TULP1: variants seen among roughly 807,000 people sequenced by gnomAD.
TULP1 encodes tubby-related protein 1.
In TULP1, 50 loss-of-function variants were observed where a neutral mutation model predicts 67.1. That is an observed-to-expected ratio of 0.75 (90% CI 0.59 to 0.94). The LOEUF (loss-of-function observed/expected upper bound fraction) is 0.94, where lower values mean the gene tolerates loss of function less well. TULP1 is among the 40% of genes least tolerant of loss of function. The pLI is 0.00. For synonymous variants in TULP1, 297 were observed against 294.0 expected (o/e 1.01, Z -0.11); for missense variants, 746 against 734.1 (o/e 1.02, Z -0.19).
At chr6:35,505,912 T>C in intron 10 of TULP1, 59 bp from the exon 11 acceptor site, 2 of 1,613,748 alleles carry the variant, frequency 1.2e-6, no homozygotes, top group Non-Finnish European at 1.7e-6. Flanking sequence ...GGGGTGGAGG[T>C]GAGCTGCAGG....
chr6:35,500,835 G>A (rs1437230688), intron 13 of TULP1, among the ~76,000 whole-genome samples: 1 of 152,164 alleles, frequency 6.6e-6, no homozygotes, highest in African/African-American at 2.4e-5. Context: ...CCCAAACAAG[G>A]GCAGGAGATG....
rs1761006263 is a variant in TULP1, at chr6:35,503,211, T to G, written c.1323+348A>C. ...TCTCGGCCTCCCAAAGTGCTGGGAT[T>G]ACAGGCGTGAGCCACCGCGCCCGGC... On this transcript the variant is annotated intron_variant, in intron 13 of 14. Transcript: ENST00000229771. This position sits in a 1 kb window ranked among gnomAD's most constrained non-coding sequence, Gnocchi z 4.0. Among the ~76,000 whole-genome samples the G allele has an allele frequency of 6.6e-6, 1 of 152,218 alleles. No homozygotes were observed. Among genetic ancestry groups the G allele is most frequent in the South Asian group, 2.1e-4 (1 of 4,836 alleles).
intron 8 of TULP1, among the ~76,000 whole-genome samples, chr6:35,506,923 A>G (rs951099984): frequency 6.6e-6 from 1 of 152,058 alleles, no homozygotes; most frequent in Non-Finnish European, 1.5e-5. Flanking sequence ...GTTAGCTGCT[A>G]CTCTTATTGT....
chr6:35,510,935 G>A lies in TULP1; in HGVS notation c.425C>T (p.Pro142Leu), dbSNP rs769742008. 8.1e-6 allele frequency: 13 copies of A among 1,613,382 alleles called. No homozygotes were observed. The highest frequency in any genetic ancestry group is 2.2e-5 in the East Asian group (1 of 44,850). ...AEEKKEKILL[P>L]PKKPLREKSS... ...CTTCTCTCTCAGGGGCTTCTTGGGA[G>A]GCAGAAGGATTTTCTCTTTCTTTTC... Residue 142 changes from proline to leucine, a missense_variant, in exon 5 of 15, where the codon CCT (proline) becomes CTT (leucine). This residue lies in a region of TULP1 where 359 missense variants were observed against 341.9 expected (regional missense o/e 1.05). Coordinates refer to ENST00000229771, the MANE Select transcript of TULP1 (RefSeq NM_003322.6).
At chr6:35,502,534 C>T (rs1561813503) in intron 13 of TULP1, among the ~76,000 whole-genome samples, 1 of 151,716 alleles carries the variant, frequency 6.6e-6, no homozygotes, top group Non-Finnish European at 1.5e-5. Context: ...CGCTCTGTTG[C>T]CCAGGCTGGA....
chr6:35,510,646 A>G, intron 5 of TULP1: 1 of 956,096 alleles, frequency 1.0e-6, no homozygotes, highest in African/African-American at 1.6e-5. Flanking sequence ...ACAGAGCTCA[A>G]GGGGCAGGGG....
chr6:35,505,897 G>A, intron 10 of TULP1, 44 bp from the exon 11 acceptor site: 1 of 1,614,186 alleles, frequency 6.2e-7, no homozygotes, highest in Non-Finnish European at 8.5e-7. Flanking sequence ...AAGAGAAGGT[G>A]GGAAGGGGTG....
intron 7 of TULP1, 131 bp from the exon 8 acceptor site, chr6:35,509,443 A>C (rs1561817026): frequency 4.5e-6 from 5 of 1,111,306 alleles, no homozygotes; most frequent in East Asian, 4.7e-5. Context: ...ATTAGAGCCC[A>C]AAAAGGCTAA....
In TULP1 at chr6:35,509,033, C is replaced by T. The variant is rs549363532; in HGVS notation, c.822+176G>A. Among the ~76,000 whole-genome samples, 26 of 152,246 alleles carry T rather than the reference C, an allele frequency of 1.7e-4. 1 individual carries two copies. The South Asian group carries it at 5.4e-3, about 32-fold the overall frequency. On this transcript the variant is annotated intron_variant, in intron 8 of 14. Transcript: ENST00000229771. ...AGTCCTAGCCTGGTGACCCCACAAA[C>T]GCCTCCTCTGTTTGCACAAATCTGG...
At position 35,505,787 on chromosome 6, in the gene TULP1, G is replaced by C. The variant is rs201836697; in HGVS notation, c.1066C>G (p.Pro356Ala). ...TCCCCTCCTCGGGACAGATTGGTAG[G>C]GTCGATGGAGATGAGGTAATTGGCT... is the stretch of plus-strand genomic sequence containing the variant. Reference protein sequence around the residue: ...KTANYLISIDPTNLSRGGENF... With the variant: ...KTANYLISIDATNLSRGGENF... Residue 356 changes from proline (P) to alanine (A), a missense_variant, in exon 11 of 15, where the codon CCT becomes GCT. Around this residue, in one of 3 missense-constraint regions of TULP1, gnomAD observed 383 missense variants for 374.1 expected, o/e 1.02. Transcript: ENST00000229771. 4.3e-6 allele frequency: 7 copies of C among 1,614,210 alleles called. No individual in the cohort carries two copies. The South Asian group carries it at 6.6e-5, about 15-fold the overall frequency.
intron 13 of TULP1, among the ~76,000 whole-genome samples, chr6:35,502,141 TC>T (rs976465326): frequency 2.0e-5 from 3 of 152,082 alleles, no homozygotes; most frequent in African/African-American, 7.2e-5. Flanking sequence ...TTATCTACCT[TC>T]CCCTGTTTGA....
At chr6:35,506,760 T>A (rs1375554820) in intron 8 of TULP1, among the ~76,000 whole-genome samples, 1 of 152,140 alleles carries the variant, frequency 6.6e-6, no homozygotes, top group Non-Finnish European at 1.5e-5. Flanking sequence ...CAAGTTCACA[T>A]AACTAGTAAG....
At chr6:35,505,431 A>G in intron 11 of TULP1, 1 of 503,592 alleles carries the variant, frequency 2.0e-6, no homozygotes, top group Non-Finnish European at 3.6e-6. Flanking sequence ...AGCCCTAAAC[A>G]AGGCAGGCAC....
Position 35,506,021 on chromosome 6 carries a change from G to C in TULP1, c.981C>G (p.His327Gln). The C allele has an allele frequency of 6.2e-7, 1 of 1,614,042 alleles. No individual in the cohort carries two copies. Residue 327 changes from histidine (H) to glutamine (Q), a missense_variant, in exon 10 of 15, where the codon CAC becomes CAG. His to Gln is a conservative substitution (Grantham distance 24, BLOSUM62 0). Around this residue, in one of 3 missense-constraint regions of TULP1, gnomAD observed 383 missense variants for 374.1 expected, o/e 1.02. Coordinates refer to ENST00000229771, the MANE Select transcript of TULP1 (RefSeq NM_003322.6). ...DRGMYPSYFLHLDTEKKVFLL... is the reference protein window; with the variant it reads ...DRGMYPSYFLQLDTEKKVFLL... ...CACCCACCTTCTTCTCCGTGTCCAG[G>C]TGCAGGAAGTAGGAGGGATACATGC...
intron 13 of TULP1, among the ~76,000 whole-genome samples, chr6:35,500,680 A>G (rs1053324424): frequency 5.9e-5 from 9 of 152,116 alleles, no homozygotes; most frequent in African/African-American, 2.2e-4. Context: ...ACTCAAGATC[A>G]CCTCCAAGAA....
intron 13 of TULP1, among the ~76,000 whole-genome samples, chr6:35,502,608 C>T (rs963241321): frequency 6.6e-6 from 1 of 151,936 alleles, no homozygotes; most frequent in East Asian, 1.9e-4. Context: ...ATACTCCCTG[C>T]GTCAGCCTCC....
intron 6 of TULP1, 34 bp downstream of exon 6, chr6:35,509,793 T>G (rs1230329103): frequency 6.2e-7 from 1 of 1,613,978 alleles, no homozygotes; most frequent in South Asian, 1.1e-5. Context: ...CCACCGCAAC[T>G]GGAGTCCCCT....
intron 8 of TULP1, among the ~76,000 whole-genome samples, chr6:35,506,764 T>C (rs1419303126): frequency 2.0e-5 from 3 of 152,110 alleles, no homozygotes; most frequent in African/African-American, 7.2e-5. Context: ...TTCACATAAC[T>C]AGTAAGAGGT....
In TULP1 at chr6:35,510,981, C is replaced by A; in HGVS notation, c.379G>T (p.Asp127Tyr). 1.2e-6 allele frequency: 2 copies of A among 1,600,832 alleles called. No individual in the cohort carries two copies. The highest frequency in any genetic ancestry group is 1.7e-6 in the Non-Finnish European group (2 of 1,173,642). Reference sequence around the variant, plus strand: ...TTTTCCTCTGCCTCCTCTTCCTCGTCCTCCTCGTCCTCCTCTTCCTCCTCC... The same window carrying A: ...TTTTCCTCTGCCTCCTCTTCCTCGTACTCCTCGTCCTCCTCTTCCTCCTCC... Reference protein sequence around the residue: ...EEEEEEEDEEDEEEEAEEKKE... With the variant: ...EEEEEEEDEEYEEEEAEEKKE... Residue 127 changes from aspartate (D) to tyrosine (Y), a missense_variant, in exon 5 of 15, where the codon GAC becomes TAC. This residue lies in a region of TULP1 where 359 missense variants were observed against 341.9 expected (regional missense o/e 1.05). Transcript: ENST00000229771.
Sources: gnomAD v4.1 joint callset for allele counts (sites outside exome capture counted in the v4.1 genomes callset) on GRCh38, gnomAD v4.1.1 for gene constraint, gnomAD v4.1.1 regional missense constraint, Gnocchi (gnomAD v3.1) non-coding constraint, MANE v1.5 for transcripts, NCBI Gene and HGNC (gene_info 2026-07-23, HGNC 2026-07-21) for gene names.